CRACD: variants seen among roughly 807,000 people sequenced by gnomAD.
The protein encoded by CRACD is capping protein-inhibiting regulator of actin dynamics.
CRACD carries 56 observed loss-of-function variants against 106.8 expected under a neutral mutation model. The ratio of observed to expected loss-of-function variants is 0.52; its 90% CI spans 0.42 to 0.66. The LOEUF is 0.66. Ranked by LOEUF, CRACD falls within the 30% of genes least tolerant of loss-of-function variation. The pLI is 0.00. For missense variants in CRACD, 1,730 were observed against 1,623.2 expected, an observed-to-expected ratio of 1.07 and a Z score of -1.13; for synonymous variants, 754 against 670.8, an observed-to-expected ratio of 1.12 and a Z score of -1.92.
intron 2 of CRACD, among the ~76,000 whole-genome samples, chr4:56,223,486 G>A (rs985240792): frequency 1.3e-5 from 2 of 152,100 alleles, no homozygotes; most frequent in African/African-American, 4.8e-5. Flanking sequence ...TACTTTTATG[G>A]TTTCATTTTT....
At chr4:56,070,079 A>G (rs1732586268) in intron 1 of CRACD, among the ~76,000 whole-genome samples, 1 of 152,210 alleles carries the variant, frequency 6.6e-6, no homozygotes, top group Non-Finnish European at 1.5e-5. Flanking sequence ...ACACAAAAAG[A>G]AAGAAAAATC....
intron 3 of CRACD, among the ~76,000 whole-genome samples, chr4:56,289,703 A>C (rs1404122730): frequency 6.6e-6 from 1 of 151,670 alleles, no homozygotes; most frequent in Non-Finnish European, 1.5e-5. Flanking sequence ...AAAAAAAAAA[A>C]ACAAAGTAAA....
intron 1 of CRACD, among the ~76,000 whole-genome samples, chr4:56,054,561 G>A (rs999858631): frequency 2.0e-4 from 30 of 152,156 alleles, no homozygotes; most frequent in Admixed American, 2.0e-4. Context: ...TGGCTTTAAG[G>A]CAGATGCATA....
Position 56,109,448 on chromosome 4 carries a change from G to T in CRACD, c.-336+60149G>T, listed in dbSNP as rs139881107. Among the ~76,000 whole-genome samples, 53 of 152,238 alleles carry T rather than the reference G, an allele frequency of 3.5e-4. No individual in the cohort carries two copies. In the East Asian group the frequency reaches 9.3e-3, roughly 27 times the overall value. On this transcript the variant is annotated intron_variant, in intron 1 of 10. Transcript: ENST00000682029. ...GTCACAGGTTGGAGGAGACTGAGGG[G>T]CCAGAGCAGCTAAAAGCAATGTGGG...
At chr4:56,164,349 T>C (rs919658585) in intron 1 of CRACD, among the ~76,000 whole-genome samples, 1 of 151,386 alleles carries the variant, frequency 6.6e-6, no homozygotes, top group Non-Finnish European at 1.5e-5. Flanking sequence ...TTAGCCAGGA[T>C]GGTCTCAATC....
At chr4:56,109,242 G>A (rs998612821) in intron 1 of CRACD, among the ~76,000 whole-genome samples, 28 of 152,126 alleles carry the variant, frequency 1.8e-4, no homozygotes, top group African/African-American at 5.3e-4. Flanking sequence ...GTAATGCAAC[G>A]AAGAGTAATA....
At chr4:56,171,614 A>T (rs940415469) in intron 1 of CRACD, among the ~76,000 whole-genome samples, 1 of 152,220 alleles carries the variant, frequency 6.6e-6, no homozygotes. Flanking sequence ...GATGGTGGAG[A>T]TAACAAGTAT....
intron 2 of CRACD, among the ~76,000 whole-genome samples, chr4:56,269,187 G>A (rs1048799108): frequency 3.3e-5 from 5 of 151,880 alleles, no homozygotes; most frequent in East Asian, 1.9e-4. Flanking sequence ...GTTGGAGATC[G>A]GCCTGGCCAA....
intron 1 of CRACD, among the ~76,000 whole-genome samples, chr4:56,142,086 A>G (rs771509316): frequency 1.1e-4 from 16 of 152,242 alleles, no homozygotes; most frequent in Non-Finnish European, 1.9e-4. Context: ...AAGAAAATTA[A>G]AAAACCACAC....
chr4:56,262,987 G>A (rs1546678), intron 2 of CRACD, among the ~76,000 whole-genome samples: 31,905 of 152,008 alleles, frequency 0.21, 3,860 homozygotes, highest in Non-Finnish European at 0.27. Context: ...TGAGCATCTG[G>A]TTTGTGTCAG....
chr4:56,241,685 G>T (rs1740376868), intron 2 of CRACD, among the ~76,000 whole-genome samples: 1 of 152,182 alleles, frequency 6.6e-6, no homozygotes, highest in South Asian at 2.1e-4. Context: ...TACAGGAAAT[G>T]CAGTTTAAGG....
chr4:56,062,747 A>C (rs13139132), intron 1 of CRACD, among the ~76,000 whole-genome samples: 61,682 of 152,034 alleles, frequency 0.41, 14,331 homozygotes, highest in African/African-American at 0.64. Flanking sequence ...ACTAGCCCTG[A>C]CTGAATTATT....
intron 1 of CRACD, among the ~76,000 whole-genome samples, chr4:56,056,242 A>C (rs1317433494): frequency 6.6e-6 from 1 of 152,234 alleles, no homozygotes; most frequent in Non-Finnish European, 1.5e-5. Flanking sequence ...ACTGAGTTTA[A>C]AAAGTTTAAA....
Position 56,329,303 on chromosome 4 carries a change from GA to G in CRACD, c.*1501del, listed in dbSNP as rs1382063286. Among the ~76,000 whole-genome samples the G allele has an allele frequency of 2.6e-5, 4 of 152,176 alleles. No homozygotes were observed. The highest frequency in any genetic ancestry group is 9.7e-5 in the African/African-American group (4 of 41,438). ...ACACATCCTTTGCTCTGTGCAGAGG[GA>G]ATTACATCCTTTTTCCTCTCCTACA... On this transcript the variant is annotated 3_prime_UTR_variant, in exon 11 of 11. Coordinates refer to ENST00000682029, the MANE Select transcript of CRACD (RefSeq NM_001393381.1).
At chr4:56,214,692 T>C (rs1475333490) in intron 2 of CRACD, among the ~76,000 whole-genome samples, 1 of 144,396 alleles carries the variant, frequency 6.9e-6, no homozygotes, top group Non-Finnish European at 1.5e-5. Flanking sequence ...TATATATATA[T>C]ATATCAAACA....
intron 2 of CRACD, among the ~76,000 whole-genome samples, chr4:56,248,821 C>T (rs374092165): frequency 4.7e-4 from 67 of 141,990 alleles, no homozygotes; most frequent in East Asian, 2.3e-3. Flanking sequence ...TGAGAATATG[C>T]GGTGTTTGGT....
chr4:56,086,041 T>C (rs1733207853), intron 1 of CRACD, among the ~76,000 whole-genome samples: 1 of 152,206 alleles, frequency 6.6e-6, no homozygotes. Context: ...TCTTATTGCA[T>C]ACTCATTCCT....
intron 1 of CRACD, among the ~76,000 whole-genome samples, chr4:56,157,475 C>T (rs1001891552): frequency 2.2e-4 from 34 of 152,074 alleles, no homozygotes; most frequent in African/African-American, 8.2e-4. Flanking sequence ...GGATGAGGGT[C>T]TACACTCTGG....
rs1744006993 is a variant in CRACD, at chr4:56,296,048, G to C, written c.-16-2166G>C. On this transcript the variant is annotated intron_variant, in intron 3 of 10. Transcript: ENST00000682029. ...ACGTATGCCTTATTCTAGCTATTTA[G>C]TGTCTTCAACCCTCTCACAGTCCAG... Among the ~76,000 whole-genome samples, 3 of 152,196 alleles carry C rather than the reference G, an allele frequency of 2.0e-5. No individual in the cohort carries two copies. The South Asian group carries it at 6.2e-4, about 32-fold the overall frequency.
Sources: gnomAD v4.1 joint callset for allele counts (sites outside exome capture counted in the v4.1 genomes callset) on GRCh38, gnomAD v4.1.1 for gene constraint, MANE v1.5 for transcripts, NCBI Gene and HGNC (gene_info 2026-07-23, HGNC 2026-07-21) for gene names.